The following ACBD6 variants were observed in gnomAD, a reference collection of about 807,000 sequenced individuals.
ACBD6 encodes the protein acyl-CoA binding domain containing 6, also known as acyl-CoA-binding domain-containing protein 6.
Under a neutral mutation model 37.2 loss-of-function variants are expected in ACBD6, and 28 were observed. The observed-to-expected ratio is 0.75, with a 90% confidence interval of 0.56 to 1.03. The LOEUF (loss-of-function observed/expected upper bound fraction) is 1.03. Among genes scored for constraint, ACBD6 ranks in the 50% least tolerant of loss-of-function variants. The pLI is 0.00. For synonymous variants in ACBD6, 113 were observed against 126.8 expected (o/e 0.89, Z 0.73); for missense variants, 340 against 337.4 (o/e 1.01, Z -0.06).
intron 3 of ACBD6, among the ~76,000 whole-genome samples, chr1:180,461,787 TGAA>T (rs902147250): frequency 6.6e-6 from 1 of 151,752 alleles, no homozygotes; most frequent in Non-Finnish European, 1.5e-5. Context: ...GCACTAAATA[TGAA>T]AAGGAAAAAC....
At chr1:180,398,946 T>TA (rs1654366377) in intron 5 of ACBD6, among the ~76,000 whole-genome samples, 1 of 152,334 alleles carries the variant, frequency 6.6e-6, no homozygotes, top group African/African-American at 2.4e-5. Context: ...ATAGCTTTTC[T>TA]AAAACTGCCT....
chr1:180,395,877 T>C (rs1654242107), intron 6 of ACBD6, among the ~76,000 whole-genome samples: 1 of 152,154 alleles, frequency 6.6e-6, no homozygotes, highest in Non-Finnish European at 1.5e-5. Flanking sequence ...TCCTTATTCA[T>C]AATCGCCAAA....
intron 7 of ACBD6, among the ~76,000 whole-genome samples, chr1:180,295,960 C>T (rs1029323306): frequency 6.6e-6 from 1 of 152,136 alleles, no homozygotes; most frequent in East Asian, 1.9e-4. Flanking sequence ...AATGATTAAG[C>T]TTAGTAATGA....
exon 14 of ACBD6, chr1:180,270,241 A>T (rs1648561264): frequency 6.6e-6 from 1 of 152,256 alleles, no homozygotes; most frequent in Non-Finnish European, 1.5e-5. Flanking sequence ...GGTAGGTGCT[A>T]ACACATGTTG....
At chr1:180,353,001 T>C (rs895020409) in intron 6 of ACBD6, among the ~76,000 whole-genome samples, 3 of 152,236 alleles carry the variant, frequency 2.0e-5, no homozygotes, top group Admixed American at 6.5e-5. Flanking sequence ...AGCTTGTCAC[T>C]TTCTCAGTAA....
chr1:180,281,870 T>G (rs531127046), intron 8 of ACBD6, among the ~76,000 whole-genome samples: 23 of 152,310 alleles, frequency 1.5e-4, no homozygotes, highest in African/African-American at 5.1e-4. Context: ...CCGAAACTAT[T>G]AAATAAAGGT....
chr1:180,281,156 G>C (rs912766), intron 9 of ACBD6: 29,251 of 151,982 alleles, frequency 0.19, 4,814 homozygotes, highest in African/African-American at 0.43. Context: ...TCTGGTCCCC[G>C]CAACAACAAC....
At chr1:180,483,400 T>A (rs1651131589) in intron 3 of ACBD6, among the ~76,000 whole-genome samples, 1 of 152,152 alleles carries the variant, frequency 6.6e-6, no homozygotes, top group Non-Finnish European at 1.5e-5. Flanking sequence ...ACACTACAAC[T>A]TTACTAATAC....
At position 180,274,221 on chromosome 1, in the gene ACBD6, G is replaced by A. The variant is rs746499170; in HGVS notation, c.*937-109C>T. Reference sequence around the variant, plus strand: ...CTCTCAGAACTTGGCCACACCAATAGGATTTATGGCAACGTGGGGGACGTT... The same window carrying A: ...CTCTCAGAACTTGGCCACACCAATAAGATTTATGGCAACGTGGGGGACGTT... On this transcript the variant is annotated intron_variant, in intron 10 of 13. Coordinates refer to the ACBD6 transcript ENST00000642319. The A allele has an allele frequency of 6.2e-7, 1 of 1,614,230 alleles. No homozygotes were observed. Among genetic ancestry groups the A allele is most frequent in the East Asian group, 2.2e-5 (1 of 44,890 alleles).
intron 5 of ACBD6, among the ~76,000 whole-genome samples, chr1:180,401,375 G>C (rs1647350911): frequency 6.6e-6 from 1 of 152,090 alleles, no homozygotes; most frequent in African/African-American, 2.4e-5. Context: ...AATACAGAGA[G>C]CACATCTTAA....
At chr1:180,270,704 C>T (rs888156516) in exon 14 of ACBD6, 4 of 156,022 alleles carry the variant, frequency 2.6e-5, no homozygotes, top group South Asian at 1.9e-4. Flanking sequence ...CATCTCAGTA[C>T]ACATATTTAT....
In ACBD6 at chr1:180,436,098, C is replaced by T. The variant is rs182940216; in HGVS notation, c.385-5836G>A. The stretch of plus-strand genomic sequence containing the variant: ...GATGATTCAGCTTTAAGATGTTACC[C>T]TTTCAGAGGTACAGAAGAAAACCAT... On this transcript the variant is annotated intron_variant, in intron 3 of 7. Coordinates refer to ENST00000367595, the MANE Select transcript of ACBD6 (RefSeq NM_032360.4). Among the ~76,000 whole-genome samples the T allele has an allele frequency of 5.3e-5, 8 of 152,168 alleles. No homozygotes were observed. In the East Asian group the frequency reaches 1.5e-3, roughly 29 times the overall value.
intron 6 of ACBD6, among the ~76,000 whole-genome samples, chr1:180,389,582 C>G (rs1025199751): frequency 5.3e-5 from 8 of 152,230 alleles, no homozygotes; most frequent in Non-Finnish European, 1.0e-4. Context: ...GCCACACTGA[C>G]TTCCACAATG....
At chr1:180,468,951 T>C (rs781656939) in intron 3 of ACBD6, among the ~76,000 whole-genome samples, 39 of 152,288 alleles carry the variant, frequency 2.6e-4, no homozygotes, top group Non-Finnish European at 4.9e-4. Context: ...CTAGAATGCT[T>C]CAGTATCAAA....
chr1:180,488,740 A>AT (rs1251738931), intron 3 of ACBD6, among the ~76,000 whole-genome samples: 2 of 151,852 alleles, frequency 1.3e-5, no homozygotes, highest in African/African-American at 2.4e-5. Context: ...TGCCTGGCTA[A>AT]TTTTTTTGTT....
intron 9 of ACBD6, chr1:180,277,663 C>T (rs985881566): frequency 2.6e-4 from 39 of 152,082 alleles, no homozygotes; most frequent in African/African-American, 9.4e-4. Context: ...GGTTCTTGGC[C>T]CTTCAAGGAC....
rs911256165 is a variant in ACBD6 at position 180,347,918 on chromosome 1, T to C, written c.664-33196A>G. On this transcript the variant is annotated intron_variant, in intron 6 of 7. Coordinates refer to ENST00000367595, the MANE Select transcript of ACBD6 (RefSeq NM_032360.4). The stretch of plus-strand genomic sequence containing the variant: ...AGGCGGAGCTTGCGGTGAGCCGAGA[T>C]TGCGCCACTGGGTGACACAGCGAGA... 7.2e-5 allele frequency among the ~76,000 whole-genome samples: 11 copies of C among 152,126 alleles called. No individual in the cohort carries two copies. The South Asian group carries it at 2.1e-3, about 29-fold the overall frequency.
chr1:180,405,118 AT>A (rs1226106307), intron 5 of ACBD6, among the ~76,000 whole-genome samples: 1 of 152,176 alleles, frequency 6.6e-6, no homozygotes, highest in South Asian at 2.1e-4. Context: ...AAGAGGATGC[AT>A]TTTTTCTTCC....
intron 6 of ACBD6, among the ~76,000 whole-genome samples, chr1:180,334,050 A>C (rs930886504): frequency 6.6e-6 from 1 of 152,220 alleles, no homozygotes. Context: ...ACCGCAGCTC[A>C]AGGAGGCCTG....
Sources: allele counts gnomAD v4.1 joint callset (sites outside exome capture counted in the v4.1 genomes callset), GRCh38; gene constraint gnomAD v4.1.1; transcripts MANE v1.5; gene names NCBI Gene and HGNC (gene_info 2026-07-23, HGNC 2026-07-21).